Variants in MMP28 observed in about 807,000 individuals in gnomAD.
The protein encoded by MMP28 is matrix metallopeptidase 28.
Under a neutral mutation model 60.5 loss-of-function variants are expected in MMP28, and 55 were observed. The ratio of observed to expected loss-of-function variants is 0.91; its 90% CI spans 0.73 to 1.14. The LOEUF is 1.14. Among genes scored for constraint, MMP28 ranks in the 50% most tolerant of loss-of-function variants. MMP28 has a pLI of 0.00. For synonymous variants in MMP28, 318 were observed against 312.5 expected (o/e 1.02, Z -0.18); for missense variants, 686 against 738.3 (o/e 0.93, Z 0.82).
downstream of MMP28, among the ~76,000 whole-genome samples, chr17:35,765,249 C>T (rs1288863648): frequency 2.6e-5 from 4 of 152,318 alleles, no homozygotes; most frequent in East Asian, 5.8e-4. Context: ...AGAAAATGAA[C>T]GGGCAGGGCC....
At chr17:35,762,907 C>T (rs1318016371), downstream of MMP28, among the ~76,000 whole-genome samples, 4 of 152,096 alleles carry the variant, frequency 2.6e-5, no homozygotes, top group Admixed American at 6.5e-5. Flanking sequence ...GGGCAGATCA[C>T]GAGGTCAGAT....
chr17:35,783,578 A>G (rs1483986394), intron 1 of MMP28, among the ~76,000 whole-genome samples: 1 of 152,214 alleles, frequency 6.6e-6, no homozygotes, highest in African/African-American at 2.4e-5. Context: ...ACCAGGTCAC[A>G]GGTCGGCATG....
At chr17:35,793,120 C>T (rs1248092339) in intron 1 of MMP28, among the ~76,000 whole-genome samples, 5 of 152,198 alleles carry the variant, frequency 3.3e-5, no homozygotes, top group African/African-American at 1.2e-4. Flanking sequence ...CGTACACACC[C>T]ATTACACATT....
In MMP28 at chr17:35,779,303, T is replaced by C. The variant is rs1555608664; in HGVS notation, c.132A>G (p.Gly44=). 1 of 1,613,064 alleles carries C rather than the reference T, an allele frequency of 6.2e-7. No homozygotes were observed. Among genetic ancestry groups the C allele is most frequent in the Non-Finnish European group, 8.5e-7 (1 of 1,179,588 alleles). Residue 44 remains glycine (G), a synonymous_variant, in exon 2 of 8, where the codon GGA becomes GGG. Transcript: ENST00000605424. The stretch of plus-strand genomic sequence containing the variant: ...CTTTGGGGACCTGTTCATTGAGGTA[T>C]CCGTACTTCTCTAGGAATGCCTGCG... ...KEAEAFLEKY[G]YLNEQVPKAP...
intron 2 of MMP28, among the ~76,000 whole-genome samples, chr17:35,759,245 G>C (rs1316821326): frequency 6.6e-6 from 1 of 152,218 alleles, no homozygotes; most frequent in Non-Finnish European, 1.5e-5. Context: ...GAATGAGCTT[G>C]TTGGGAGACA....
intron 1 of MMP28, among the ~76,000 whole-genome samples, chr17:35,789,558 T>C (rs1488887970): frequency 2.0e-5 from 3 of 152,216 alleles, no homozygotes; most frequent in African/African-American, 7.2e-5. Context: ...AGCACTACTT[T>C]AGCTGCATCC....
At chr17:35,767,180 A>G (rs548304694) in intron 7 of MMP28, 67 of 668,092 alleles carry the variant, frequency 1.0e-4, no homozygotes, top group South Asian at 8.0e-4. Flanking sequence ...TAATAATTCT[A>G]TGAGGGCAAG....
At position 35,779,228 on chromosome 17, in the gene MMP28, C is replaced by A. The variant is rs750064355; in HGVS notation, c.191+16G>T. ...TAGCACCCCTACCCCAAGTCCTCCACATCCCTCCACCCTACCTGATGGCAT... is the reference window on the plus strand; with the variant it reads ...TAGCACCCCTACCCCAAGTCCTCCAAATCCCTCCACCCTACCTGATGGCAT... On this transcript the variant is annotated intron_variant, in intron 2 of 7. Transcript: ENST00000605424. 1 of 1,605,284 alleles carries A rather than the reference C, an allele frequency of 6.2e-7. No individual in the cohort carries two copies. Among genetic ancestry groups the A allele is most frequent in the South Asian group, 1.1e-5 (1 of 89,342 alleles).
intron 2 of MMP28, among the ~76,000 whole-genome samples, chr17:35,757,624 T>C (rs587744945): frequency 4.5e-4 from 69 of 152,340 alleles, no homozygotes; most frequent in Non-Finnish European, 8.8e-4. Context: ...ATTATGGATT[T>C]GACTAGCCAG....
At chr17:35,794,689 C>T (rs183386538) in intron 1 of MMP28, among the ~76,000 whole-genome samples, 190 of 150,962 alleles carry the variant, frequency 1.3e-3, no homozygotes, top group African/African-American at 4.5e-3. Flanking sequence ...CACCTTCCTG[C>T]CCCCTTAAGT....
Position 35,776,440 on chromosome 17 carries a change from C to T in MMP28, c.379+2448G>A, listed in dbSNP as rs186165178. ...ATCCTCCCGCCTCAGCCTCCCAAAT[C>T]GCTGGGATTAAAGATGTGAGCCACT... On this transcript the variant is annotated intron_variant, in intron 3 of 7. Coordinates refer to ENST00000605424, the MANE Select transcript of MMP28 (RefSeq NM_024302.5). Among the ~76,000 whole-genome samples, 247 of 151,966 alleles carry T rather than the reference C, an allele frequency of 1.6e-3. 5 individuals are homozygous for T. In the East Asian group the frequency reaches 0.034, roughly 21 times the overall value.
chr17:35,791,970 G>A (rs2086826751), intron 1 of MMP28, among the ~76,000 whole-genome samples: 1 of 152,016 alleles, frequency 6.6e-6, no homozygotes, highest in African/African-American at 2.4e-5. Context: ...CCTGAACGCT[G>A]AGCTTTGTCA....
chr17:35,774,159 C>T (rs568078125), intron 3 of MMP28, among the ~76,000 whole-genome samples: 113 of 152,346 alleles, frequency 7.4e-4, no homozygotes, highest in South Asian at 2.3e-3. Context: ...GCAACTCCTC[C>T]CTGAGGGCTG....
chr17:35,760,795 G>C, intron 2 of MMP28: 3 of 887,626 alleles, frequency 3.4e-6, no homozygotes, highest in Non-Finnish European at 5.5e-6. Context: ...TTATTCCTGG[G>C]CAGAGCCTTA....
At chr17:35,778,367 A>G (rs2086395391) in intron 3 of MMP28, 1 of 162,984 alleles carries the variant, frequency 6.1e-6, no homozygotes, top group Non-Finnish European at 1.3e-5. Context: ...ATGTTCTGGA[A>G]TTAGATTGTG....
intron 3 of MMP28, among the ~76,000 whole-genome samples, chr17:35,777,807 G>C (rs377284257): frequency 1.3e-5 from 2 of 152,338 alleles, no homozygotes; most frequent in African/African-American, 4.8e-5. Flanking sequence ...CCAGCCCTTT[G>C]GGAGGCCAAG....
chr17:35,756,723 C>T lies in MMP28; in HGVS notation c.266-304G>A, dbSNP rs371737640. Among the ~76,000 whole-genome samples, 52 of 151,984 alleles carry T rather than the reference C, an allele frequency of 3.4e-4. 1 individual carries two copies. In the East Asian group the frequency reaches 8.1e-3, roughly 24 times the overall value. On this transcript the variant is annotated intron_variant, in intron 2 of 2. Transcript: ENST00000615317. ...GCTCAAGTGATTTGCCCACCTTGGC[C>T]TCCCAAAGTGCTGGGATTACAGGCG...
Position 35,766,042 on chromosome 17 carries a change from G to A in MMP28, c.*458C>T, listed in dbSNP as rs2085928799. On this transcript the variant is annotated 3_prime_UTR_variant, in exon 8 of 8. Coordinates refer to ENST00000605424, the MANE Select transcript of MMP28 (RefSeq NM_024302.5). This position sits in a 1 kb window ranked among gnomAD's most constrained non-coding sequence, Gnocchi z 4.3. ...CCCATCCATGCTTCCTGGGGGTGGG[G>A]CCTCTGACTAAATATGACACCGTTT... 13 of 985,418 alleles carry A rather than the reference G, an allele frequency of 1.3e-5. No individual in the cohort carries two copies. The highest frequency in any genetic ancestry group is 1.6e-5 in the Non-Finnish European group (13 of 829,926). The allele number at this position is 985,418 out of a possible 1,614,324, so 61.0% of individuals were successfully genotyped here.
chr17:35,784,020 C>T (rs1389376317), intron 1 of MMP28, among the ~76,000 whole-genome samples: 1 of 152,144 alleles, frequency 6.6e-6, no homozygotes, highest in Non-Finnish European at 1.5e-5. Flanking sequence ...CGTAGTCATG[C>T]CTGTAATACC....
Sources: allele counts gnomAD v4.1 joint callset (sites outside exome capture counted in the v4.1 genomes callset), GRCh38; gene constraint gnomAD v4.1.1; non-coding constraint Gnocchi (gnomAD v3.1); transcripts MANE v1.5; gene names NCBI Gene and HGNC (gene_info 2026-07-23, HGNC 2026-07-21).